PAH: variants seen among roughly 807,000 people sequenced by gnomAD.
The protein encoded by PAH is phenylalanine-4-hydroxylase.
In PAH, 64 loss-of-function variants were observed where a neutral mutation model predicts 62.0. That is an observed-to-expected ratio of 1.03 (90% CI 0.84 to 1.27). PAH has a LOEUF of 1.27. Ranked by LOEUF, PAH falls within the 50% of genes most tolerant of loss-of-function variation. PAH has a pLI of 0.00. For synonymous variants in PAH, 195 were observed against 196.2 expected (o/e 0.99, Z 0.05); for missense variants, 579 against 542.8 (o/e 1.07, Z -0.66).
At chr12:102,915,563 A>G (rs936450220) in intron 1 of PAH, among the ~76,000 whole-genome samples, 31 of 152,184 alleles carry the variant, frequency 2.0e-4, no homozygotes, top group Non-Finnish European at 3.5e-4. Context: ...TAGCACTCCT[A>G]ACAGCCTATA....
intron 5 of PAH, among the ~76,000 whole-genome samples, chr12:102,862,971 T>C (rs1341654325): frequency 2.0e-5 from 3 of 151,744 alleles, no homozygotes. Context: ...AGGTAAGCTC[T>C]TGCCCAAGAA....
At chr12:102,899,858 CAAAAAAAAAA>C (rs1166069532) in intron 2 of PAH, among the ~76,000 whole-genome samples, 30 of 9,536 alleles carry the variant, frequency 3.1e-3, no homozygotes, top group East Asian at 0.026. Context: ...GACTCCGTCT[CAAAAAAAAAA>C]AAAAAAAAAA....
intron 1 of PAH, among the ~76,000 whole-genome samples, chr12:102,941,157 A>G (rs1244960302): frequency 6.6e-6 from 1 of 152,214 alleles, no homozygotes; most frequent in Non-Finnish European, 1.5e-5. Flanking sequence ...CTGCCTTACA[A>G]TAGATCTTTA....
At position 102,948,060 on chromosome 12, in the gene PAH, C is replaced by T. The variant is rs141830401; in HGVS notation, c.-96+2529G>A. Among the ~76,000 whole-genome samples, 703 of 152,264 alleles carry T rather than the reference C, an allele frequency of 4.6e-3. 5 individuals are homozygous for T. The highest frequency in any genetic ancestry group is 0.016 in the African/African-American group (646 of 41,556). ...TCCCACAGACACACTCTGGGTACTCCAGAGGGAAGAGCAAGAAATAAATGA... is the reference window on the plus strand; with the variant it reads ...TCCCACAGACACACTCTGGGTACTCTAGAGGGAAGAGCAAGAAATAAATGA... On this transcript the variant is annotated intron_variant, in intron 1 of 3. Coordinates refer to the PAH transcript ENST00000546844.
In PAH at chr12:102,912,798, A is replaced by G. The variant is rs199475677; in HGVS notation, c.161T>C (p.Leu54Ser). The G allele has an allele frequency of 1.2e-6, 2 of 1,607,472 alleles. No individual in the cohort carries two copies. Among genetic ancestry groups the G allele is most frequent in the African/African-American group, 2.7e-5 (2 of 74,822 alleles). ...CATGATTGTAGCACTGACCTCAAAT[A>G]AGCGCAATACTTTGGCCAATGCACC... ...EVGALAKVLR[L>S]FEENDVNLTH... Residue 54 changes from leucine to serine, a missense_variant, in exon 2 of 13, where the codon TTA (leucine) becomes TCA (serine). By Grantham distance (145) the Leu-to-Ser change is moderately radical. Coordinates refer to ENST00000553106, the MANE Select transcript of PAH (RefSeq NM_000277.3).
chr12:102,874,451 A>G (rs1876479462), intron 4 of PAH, among the ~76,000 whole-genome samples: 1 of 152,172 alleles, frequency 6.6e-6, no homozygotes, highest in African/African-American at 2.4e-5. Context: ...ATATGGCCTG[A>G]GACATAGTTC....
upstream of PAH, among the ~76,000 whole-genome samples, chr12:102,955,818 C>T (rs138731357): frequency 6.6e-6 from 1 of 152,220 alleles, no homozygotes; most frequent in Non-Finnish European, 1.5e-5. Context: ...TTCAGCCAGT[C>T]CTGTGAGGCC....
intron 5 of PAH, among the ~76,000 whole-genome samples, chr12:102,856,152 C>T (rs1204837745): frequency 6.6e-6 from 1 of 150,520 alleles, no homozygotes; most frequent in African/African-American, 2.5e-5. Context: ...TATATAAATC[C>T]ATGCTAAGGT....
At chr12:102,912,358 A>G (rs537574957) in intron 2 of PAH, among the ~76,000 whole-genome samples, 1 of 152,304 alleles carries the variant, frequency 6.6e-6, no homozygotes, top group South Asian at 2.1e-4. Flanking sequence ...TATACATAGA[A>G]GACAATCAAT....
At position 102,838,320 on chromosome 12, in the gene PAH, A is replaced by C. The variant is rs1178149527; in HGVS notation, c.*855T>G. Reference sequence around the variant, plus strand: ...TCCAGGAAATAACTGAAACAGTGAAATTGTTTAAACTACTAATGTTTTATT... The same window carrying C: ...TCCAGGAAATAACTGAAACAGTGAACTTGTTTAAACTACTAATGTTTTATT... On this transcript the variant is annotated 3_prime_UTR_variant, in exon 13 of 13. Coordinates refer to ENST00000553106, the MANE Select transcript of PAH (RefSeq NM_000277.3). The C allele has an allele frequency of 6.6e-6, 1 of 152,270 alleles. No individual in the cohort carries two copies. Among genetic ancestry groups the C allele is most frequent in the Admixed American group, 6.5e-5 (1 of 15,290 alleles). The allele number at this position is 152,270 out of a possible 1,614,324, so 9.4% of individuals were successfully genotyped here.
At position 102,884,061 on chromosome 12, in the gene PAH, C is replaced by T. The variant is rs117578049; in HGVS notation, c.353-6511G>A. Reference sequence around the variant, plus strand: ...AGGACAAGTGAGAAAGGGTGAGAAGCTCTGGTGCTCACTTCCTCCAGGCAG... The same window carrying T: ...AGGACAAGTGAGAAAGGGTGAGAAGTTCTGGTGCTCACTTCCTCCAGGCAG... On this transcript the variant is annotated intron_variant, in intron 3 of 12. Coordinates refer to ENST00000553106, the MANE Select transcript of PAH (RefSeq NM_000277.3). 5.1e-3 allele frequency among the ~76,000 whole-genome samples: 777 copies of T among 152,334 alleles called. 14 individuals carry two copies. The highest frequency in any genetic ancestry group is 0.029 in the Admixed American group (442 of 15,306).
intron 8 of PAH, among the ~76,000 whole-genome samples, chr12:102,848,344 C>T (rs113935778): frequency 4.5e-5 from 4 of 87,984 alleles, no homozygotes; most frequent in Admixed American, 3.0e-4. Flanking sequence ...GACAGGATAC[C>T]AGGAGACTGA....
intron 1 of PAH, 90 bp from the exon 2 acceptor site, chr12:102,912,988 T>C (rs1878262487): frequency 1.2e-6 from 1 of 829,978 alleles, no homozygotes; most frequent in Non-Finnish European, 2.1e-6. Flanking sequence ...AAGCATGAAC[T>C]CTTTCTTCTA....
chr12:102,868,050 GTATA>G lies in PAH; in HGVS notation c.442-1391_442-1388del, dbSNP rs1555205794. On this transcript the variant is annotated intron_variant, in intron 4 of 12. Coordinates refer to ENST00000553106, the MANE Select transcript of PAH (RefSeq NM_000277.3). The stretch of plus-strand genomic sequence containing the variant: ...TACATGTATATACACCTATATATAT[GTATA>G]TATATACACATATATATACATATAT... Among the ~76,000 whole-genome samples, 97 of 117,932 alleles carry G rather than the reference GTATA, an allele frequency of 8.2e-4. 5 individuals carry two copies. The highest frequency in any genetic ancestry group is 2.5e-3 in the South Asian group (9 of 3,662). 77.4% of individuals were successfully genotyped at this position (117,932 alleles called of 152,430 possible). A position where few individuals can be genotyped will look rare whatever the true frequency, so the allele number is the denominator to read the frequency against.
At chr12:102,891,169 C>T (rs1250382517) in intron 3 of PAH, among the ~76,000 whole-genome samples, 4 of 152,172 alleles carry the variant, frequency 2.6e-5, no homozygotes, top group Non-Finnish European at 5.9e-5. Context: ...CGGAATCACA[C>T]CAACCCTGTC....
chr12:102,870,113 A>C (rs1367590928), intron 4 of PAH, among the ~76,000 whole-genome samples: 5 of 152,168 alleles, frequency 3.3e-5, no homozygotes, highest in Non-Finnish European at 7.3e-5. Context: ...CATCAACTGA[A>C]GTCTGCATGT....
chr12:102,947,187 ATGTGTGTGTGTGTC>A (rs1284467800), intron 1 of PAH, among the ~76,000 whole-genome samples: 1 of 151,596 alleles, frequency 6.6e-6, no homozygotes, highest in Non-Finnish European at 1.5e-5. Flanking sequence ...GTGTGTGTAT[ATGTGTGTGTGTGTC>A]TGTGTGTGTG....
intron 4 of PAH, among the ~76,000 whole-genome samples, chr12:102,868,132 A>G (rs1297428002): frequency 1.4e-3 from 10 of 7,136 alleles, no homozygotes; most frequent in Admixed American, 2.1e-3. Context: ...ATGTGTATAT[A>G]TATATATATA....
chr12:102,885,570 C>T (rs528752975), intron 3 of PAH, among the ~76,000 whole-genome samples: 14 of 152,232 alleles, frequency 9.2e-5, no homozygotes, highest in African/African-American at 2.6e-4. Context: ...GGAAGCAGCC[C>T]GCTGGAGAGC....
Sources: gnomAD v4.1 joint callset for allele counts (sites outside exome capture counted in the v4.1 genomes callset) on GRCh38, gnomAD v4.1.1 for gene constraint, MANE v1.5 for transcripts, NCBI Gene and HGNC (gene_info 2026-07-23, HGNC 2026-07-21) for gene names.